Variants in MCF2L2 observed in about 807,000 individuals in gnomAD.
MCF2L2 encodes probable guanine nucleotide exchange factor MCF2L2.
A neutral mutation model predicts 150.2 loss-of-function variants in MCF2L2; 102 were observed. The observed-to-expected ratio is 0.68, with a 90% CI of 0.58 to 0.80. The LOEUF is 0.80. Among genes scored for constraint, MCF2L2 ranks in the 30% least tolerant of loss-of-function variants. MCF2L2 has a pLI of 0.00. For synonymous variants in MCF2L2, 465 were observed against 491.3 expected (o/e 0.95, Z 0.71); for missense variants, 1,256 against 1,372.8 (o/e 0.91, Z 1.34).
chr3:183,180,448 A>C (rs1001080165), intron 27 of MCF2L2: 1 of 389,462 alleles, frequency 2.6e-6, no homozygotes, highest in African/African-American at 2.1e-5. Context: ...TGTGTTTGCC[A>C]GTCTTCTAAC....
intron 6 of MCF2L2, among the ~76,000 whole-genome samples, chr3:183,318,878 T>C (rs1449109929): frequency 6.6e-6 from 1 of 152,252 alleles, no homozygotes. Context: ...TGGGCCTTCA[T>C]CAAATCACAA....
chr3:183,416,350 C>G (rs34604004), intron 1 of MCF2L2, among the ~76,000 whole-genome samples: 7,693 of 152,166 alleles, frequency 0.051, 647 homozygotes, highest in African/African-American at 0.17. Flanking sequence ...TTCATTTGTT[C>G]CTATGGATTT....
chr3:183,289,126 T>G lies in MCF2L2; in HGVS notation c.1770A>C (p.Glu590Asp). 1 of 1,610,240 alleles carries G rather than the reference T, an allele frequency of 6.2e-7. No individual in the cohort carries two copies. Among genetic ancestry groups the G allele is most frequent in the Non-Finnish European group, 8.5e-7 (1 of 1,176,588 alleles). The change falls in exon 14 of 30, where the codon GAA becomes GAC. Residue 590 changes from glutamate to aspartate, a missense_variant. Transcript: ENST00000328913. ...AAAATAAAGGTAATTTTACCTTGAC[T>G]TCAAATTTAGTCTCATCATCTTCCT... Reference protein sequence around the residue: ...RGKEDDETKFEVKSEEIFESH... With the variant: ...RGKEDDETKFDVKSEEIFESH...
rs553565580 is a variant in MCF2L2, at chr3:183,319,481, A to G, written c.604-1264T>C. Among the ~76,000 whole-genome samples, 67 of 152,354 alleles carry G rather than the reference A, an allele frequency of 4.4e-4. No individual in the cohort carries two copies. In the Middle Eastern group the frequency reaches 0.017, roughly 39 times the overall value. ...ACTAATGTTCTTAAAGGCATCCAGA[A>G]TGATGAATCCTTTCCAGAAGGTTTG... is the stretch of plus-strand genomic sequence containing the variant. On this transcript the variant is annotated intron_variant, in intron 6 of 29. Coordinates refer to ENST00000328913, the MANE Select transcript of MCF2L2 (RefSeq NM_015078.4).
chr3:183,345,883 C>A (rs1447372396), intron 3 of MCF2L2, among the ~76,000 whole-genome samples: 1 of 152,122 alleles, frequency 6.6e-6, no homozygotes, highest in Admixed American at 6.6e-5. Flanking sequence ...GAAGTCAAAT[C>A]CCTGAATAGA....
At chr3:183,247,231 A>C (rs1724298473) in intron 15 of MCF2L2, among the ~76,000 whole-genome samples, 1 of 152,254 alleles carries the variant, frequency 6.6e-6, no homozygotes, top group African/African-American at 2.4e-5. Flanking sequence ...TGTGTCGAGC[A>C]TGAATGTCAG....
intron 3 of MCF2L2, among the ~76,000 whole-genome samples, chr3:183,361,016 A>AGGAAAGGAAAGACCAGATAAGAC (rs1560040154): frequency 1.4e-5 from 2 of 141,058 alleles, no homozygotes; most frequent in African/African-American, 5.9e-5. Context: ...AAGAAAAGAA[A>AGGAAAGGAAAGACCAGATAAGAC]AGAAAAGAGA....
At chr3:183,290,513 C>T (rs1263766264) in intron 13 of MCF2L2, among the ~76,000 whole-genome samples, 1 of 152,004 alleles carries the variant, frequency 6.6e-6, no homozygotes, top group South Asian at 2.1e-4. Context: ...TAATCCCAGG[C>T]AGGATTTGAG....
Position 183,224,146 on chromosome 3 carries a change from G to C in MCF2L2, c.2160C>G (p.Pro720=). 1 of 1,613,958 alleles carries C rather than the reference G, an allele frequency of 6.2e-7. No individual in the cohort carries two copies. Among genetic ancestry groups the C allele is most frequent in the East Asian group, 2.2e-5 (1 of 44,874 alleles). ...QIYFKYHKNL[P]RARAIWQECQ... Reference sequence around the variant, plus strand: ...ACTCTTGCCAGATTGCCCTAGCTCGGGGCAGATTCTTATGGTATTTAAAAT... The same window carrying C: ...ACTCTTGCCAGATTGCCCTAGCTCGCGGCAGATTCTTATGGTATTTAAAAT... The change falls in exon 19 of 30, where the codon CCC becomes CCG. Residue 720 remains proline, a synonymous_variant. Transcript: ENST00000328913.
chr3:183,330,150 T>C (rs1577067456), intron 5 of MCF2L2, among the ~76,000 whole-genome samples: 1 of 139,794 alleles, frequency 7.2e-6, no homozygotes. Context: ...GAGGCTGAGG[T>C]GGGAGGATAG....
Position 183,282,327 on chromosome 3 carries a change from C to T in MCF2L2, c.1777-5370G>A, listed in dbSNP as rs537941168. Among the ~76,000 whole-genome samples the T allele has an allele frequency of 2.3e-3, 353 of 151,310 alleles. 1 individual carries two copies. Among genetic ancestry groups the T allele is most frequent in the African/African-American group, 6.9e-3 (287 of 41,300 alleles). ...CCGAGTAGCTGGGACTACAGGCACCCGCCACCACGCCCAGCTAATTTTTTG... is the reference window on the plus strand; with the variant it reads ...CCGAGTAGCTGGGACTACAGGCACCTGCCACCACGCCCAGCTAATTTTTTG... On this transcript the variant is annotated intron_variant, in intron 14 of 29. Transcript: ENST00000328913.
At chr3:183,272,329 G>A in intron 15 of MCF2L2, 1 of 1,000,250 alleles carries the variant, frequency 1.0e-6, no homozygotes, top group Non-Finnish European at 1.2e-6. Context: ...AATGACTTCA[G>A]CAAGAGTGAC....
rs1726222101 is a variant in MCF2L2, at chr3:183,267,118, C to T, written c.1862+9754G>A. Reference sequence around the variant, plus strand: ...TTTGTGATATTAAAGCACAGCAACACATTTCCCATTACACCCCTGAACACA... The same window carrying T: ...TTTGTGATATTAAAGCACAGCAACATATTTCCCATTACACCCCTGAACACA... On this transcript the variant is annotated intron_variant, in intron 15 of 29. Transcript: ENST00000328913. The surrounding 1 kb of genome is among the most constrained non-coding windows in gnomAD (Gnocchi z 5.5). 6.6e-6 allele frequency among the ~76,000 whole-genome samples: 1 copy of T among 152,154 alleles called. No homozygotes were observed. The highest frequency in any genetic ancestry group is 1.5e-5 in the Non-Finnish European group (1 of 68,030).
intron 25 of MCF2L2, among the ~76,000 whole-genome samples, chr3:183,199,935 T>A (rs547974993): frequency 3.7e-4 from 57 of 152,252 alleles, no homozygotes; most frequent in African/African-American, 1.4e-3. Flanking sequence ...CTTCACCATG[T>A]CCCTACAAAG....
intron 16 of MCF2L2, among the ~76,000 whole-genome samples, chr3:183,230,199 C>A (rs1319138803): frequency 6.6e-6 from 1 of 152,068 alleles, no homozygotes; most frequent in Non-Finnish European, 1.5e-5. Flanking sequence ...CTGCAACCTC[C>A]GCCTCCTGGG....
chr3:183,389,857 G>T, intron 1 of MCF2L2, 78 bp from the exon 2 acceptor site: 1 of 1,183,106 alleles, frequency 8.5e-7, no homozygotes, highest in Non-Finnish European at 1.3e-6. Context: ...ACAAAGGCAA[G>T]TTGTACTATT....
intron 5 of MCF2L2, among the ~76,000 whole-genome samples, chr3:183,323,976 C>G (rs746847699): frequency 1.6e-4 from 24 of 152,098 alleles, no homozygotes; most frequent in Non-Finnish European, 2.8e-4. Flanking sequence ...AATTTTCAGT[C>G]ATAAGTTCCC....
At chr3:183,361,077 G>GAAGACAAGACAAGACAAGAC (rs139125125) in intron 3 of MCF2L2, among the ~76,000 whole-genome samples, 1 of 100,424 alleles carries the variant, frequency 1.0e-5, no homozygotes, top group African/African-American at 6.9e-5. Context: ...AGACAGAAGA[G>GAAGACAAGACAAGACAAGAC]AAGACAAGAC....
At chr3:183,225,231 G>A (rs550508477) in intron 18 of MCF2L2, 3 of 152,216 alleles carry the variant, frequency 2.0e-5, no homozygotes, top group Non-Finnish European at 4.4e-5. Flanking sequence ...GTTGTAAGTG[G>A]TCATTTCAGC....
Sources: gnomAD v4.1 joint callset for allele counts (sites outside exome capture counted in the v4.1 genomes callset) on GRCh38, gnomAD v4.1.1 for gene constraint, Gnocchi (gnomAD v3.1) non-coding constraint, MANE v1.5 for transcripts, NCBI Gene and HGNC (gene_info 2026-07-23, HGNC 2026-07-21) for gene names.